Variants in TNPO1 observed in about 807,000 individuals in gnomAD.
TNPO1 encodes the protein transportin-1.
Under a neutral mutation model 119.5 loss-of-function variants are expected in TNPO1, and 8 were observed. The observed-to-expected ratio is 0.07, with a 90% confidence interval of 0.04 to 0.12. The LOEUF is 0.12. TNPO1 is among the 10% of genes least tolerant of loss of function. The pLI is 1.00. For synonymous variants in TNPO1, 362 were observed against 363.0 expected (o/e 1.00, Z 0.03); for missense variants, 576 against 1,089.8 (o/e 0.53, Z 6.64).
At chr5:72,824,041 C>G (rs368391150) in intron 1 of TNPO1, among the ~76,000 whole-genome samples, 3 of 152,198 alleles carry the variant, frequency 2.0e-5, no homozygotes, top group East Asian at 1.9e-4. Context: ...CCACATACCT[C>G]TGGCACTCTA....
chr5:72,903,871 A>G lies in TNPO1; in HGVS notation c.2589+88A>G, dbSNP rs564052580. On this transcript the variant is annotated intron_variant, in intron 23 of 24. Coordinates refer to ENST00000337273, the MANE Select transcript of TNPO1 (RefSeq NM_002270.4). ...AAATTATGTTTACATTTTTTGTGAA[A>G]GTTAGGCTCTTCAAGTCAGTATTGA... 9.1e-6 allele frequency: 8 copies of G among 880,874 alleles called. No homozygotes were observed. In the East Asian group the frequency reaches 2.0e-4, roughly 22 times the overall value. 54.6% of individuals were successfully genotyped at this position (880,874 alleles called of 1,614,324 possible).
At chr5:72,847,711 C>A (rs1267534826) in intron 1 of TNPO1, among the ~76,000 whole-genome samples, 3 of 152,120 alleles carry the variant, frequency 2.0e-5, no homozygotes, top group Non-Finnish European at 4.4e-5. Flanking sequence ...TGCAGAAATG[C>A]AATTTTTTTT....
chr5:72,824,593 C>T (rs1031182753), intron 1 of TNPO1, among the ~76,000 whole-genome samples: 5 of 152,216 alleles, frequency 3.3e-5, no homozygotes, highest in Admixed American at 6.5e-5. Context: ...GGACGTCACA[C>T]GTTCCTGGTT....
intron 6 of TNPO1, among the ~76,000 whole-genome samples, chr5:72,868,187 CT>C (rs1170305710): frequency 6.6e-6 from 1 of 151,726 alleles, no homozygotes; most frequent in Non-Finnish European, 1.5e-5. Flanking sequence ...AATCCCAGCA[CT>C]TTGGGAGGCC....
At chr5:72,832,417 C>A (rs1744514624) in intron 1 of TNPO1, among the ~76,000 whole-genome samples, 2 of 152,028 alleles carry the variant, frequency 1.3e-5, no homozygotes, top group Non-Finnish European at 2.9e-5. Context: ...ATTAGCTTCC[C>A]AGAAAAGTTA....
intron 24 of TNPO1, 88 bp from the exon 25 acceptor site, chr5:72,908,621 A>G (rs1270935248): frequency 1.3e-5 from 2 of 157,444 alleles, no homozygotes; most frequent in African/African-American, 4.8e-5. Flanking sequence ...TAAAGATAGC[A>G]TTCTTATTTG....
intron 2 of TNPO1, among the ~76,000 whole-genome samples, chr5:72,849,220 G>A (rs1021874041): frequency 6.6e-6 from 1 of 152,198 alleles, no homozygotes; most frequent in Non-Finnish European, 1.5e-5. Flanking sequence ...GTGTGCTGGT[G>A]TAGTGATCCT....
At chr5:72,823,135 G>A (rs1227180218) in intron 1 of TNPO1, among the ~76,000 whole-genome samples, 2 of 152,020 alleles carry the variant, frequency 1.3e-5, no homozygotes, top group Admixed American at 6.6e-5. Flanking sequence ...CTGTGCAGTT[G>A]TGGCTGTTTT....
At chr5:72,862,780 C>T (rs1392936475) in intron 5 of TNPO1, among the ~76,000 whole-genome samples, 1 of 151,862 alleles carries the variant, frequency 6.6e-6, no homozygotes, top group East Asian at 1.9e-4. Context: ...CGAGTAGCTG[C>T]GATTACAGGC....
At chr5:72,900,191 A>G (rs923274781) in intron 21 of TNPO1, 110 bp downstream of exon 21, 25 of 913,418 alleles carry the variant, frequency 2.7e-5, no homozygotes, top group Non-Finnish European at 5.1e-6. Flanking sequence ...ATCCTTTATC[A>G]TTGCCAACCA....
At chr5:72,858,339 T>C (rs1329537487) in intron 4 of TNPO1, among the ~76,000 whole-genome samples, 1 of 152,234 alleles carries the variant, frequency 6.6e-6, no homozygotes, top group African/African-American at 2.4e-5. Context: ...TGAAATTTTC[T>C]ATTTTAAAAA....
chr5:72,865,509 C>T, intron 5 of TNPO1, 87 bp from the exon 6 acceptor site: 2 of 1,392,306 alleles, frequency 1.4e-6, no homozygotes, highest in South Asian at 1.2e-5. Flanking sequence ...GAACATTAGT[C>T]CATACAAATT....
chr5:72,908,823 A>C lies in TNPO1; in HGVS notation c.*150A>C. On this transcript the variant is annotated 3_prime_UTR_variant, in exon 25 of 25. Coordinates refer to ENST00000337273, the MANE Select transcript of TNPO1 (RefSeq NM_002270.4). ...ACAGTACAATCCCAACCCTACTGGG[A>C]GGGGCGGGAGGGAGGTGTTGCCGTC... 1 of 435,458 alleles carries C rather than the reference A, an allele frequency of 2.3e-6. No individual in the cohort carries two copies. Among genetic ancestry groups the C allele is most frequent in the Non-Finnish European group, 4.6e-6 (1 of 217,060 alleles). 27.0% of individuals were successfully genotyped at this position (435,458 alleles called of 1,614,324 possible).
intron 2 of TNPO1, 125 bp downstream of exon 2, chr5:72,848,623 C>T (rs1745282292): frequency 5.0e-6 from 2 of 397,440 alleles, no homozygotes; most frequent in South Asian, 1.2e-4. Flanking sequence ...GACCGGCCTC[C>T]TCCCTGGGTC....
Position 72,875,654 on chromosome 5 carries a change from C to T in TNPO1, c.718C>T (p.Arg240Trp). ...ALAGDEEPEV[R>W]KNVCRALVML... ...AGCTGGTGATGAAGAACCAGAGGTACGGAAAAATGTGTGCCGAGCACTTGT... is the reference window on the plus strand; with the variant it reads ...AGCTGGTGATGAAGAACCAGAGGTATGGAAAAATGTGTGCCGAGCACTTGT... The change falls in exon 8 of 25, where the codon CGG (arginine) becomes TGG (tryptophan). Residue 240 changes from arginine to tryptophan, a missense_variant. By Grantham distance (101) the Arg-to-Trp change is moderately radical (BLOSUM62 -3). Coordinates refer to ENST00000337273, the MANE Select transcript of TNPO1 (RefSeq NM_002270.4). The T allele has an allele frequency of 1.2e-6, 2 of 1,613,334 alleles. No homozygotes were observed. The highest frequency in any genetic ancestry group is 1.7e-6 in the Non-Finnish European group (2 of 1,179,466).
At chr5:72,886,612 T>C (rs1452474674) in intron 11 of TNPO1, among the ~76,000 whole-genome samples, 1 of 151,976 alleles carries the variant, frequency 6.6e-6, no homozygotes, top group African/African-American at 2.4e-5. Flanking sequence ...ATAGAAAATG[T>C]TTTTGGCTGG....
At chr5:72,878,913 G>T in intron 9 of TNPO1, 1 of 511,464 alleles carries the variant, frequency 2.0e-6, no homozygotes, top group South Asian at 1.5e-5. Context: ...TGTGTCCAAT[G>T]GTCTCAGCAG....
intron 1 of TNPO1, among the ~76,000 whole-genome samples, chr5:72,847,324 T>TTGAAA (rs1383526160): frequency 4.6e-5 from 7 of 152,222 alleles, no homozygotes; most frequent in Non-Finnish European, 8.8e-5. Flanking sequence ...TTACATTTTG[T>TTGAAA]TGTTTTTGTT....
At chr5:72,875,571 G>T in intron 7 of TNPO1, 44 bp from the exon 8 acceptor site, 1 of 1,595,542 alleles carries the variant, frequency 6.3e-7, no homozygotes. Context: ...TTACTTGTGT[G>T]TAAGCCTTTC....
Sources: gnomAD v4.1 joint callset for allele counts (sites outside exome capture counted in the v4.1 genomes callset) on GRCh38, gnomAD v4.1.1 for gene constraint, MANE v1.5 for transcripts, NCBI Gene and HGNC (gene_info 2026-07-23, HGNC 2026-07-21) for gene names.